Variants in NIPBL observed in about 807,000 individuals in gnomAD.
The protein encoded by NIPBL is nipped-B-like protein.
Under a neutral mutation model 321.8 loss-of-function variants are expected in NIPBL, and 19 were observed. The ratio of observed to expected loss-of-function variants is 0.06; its 90% CI spans 0.04 to 0.09. The LOEUF is 0.09. NIPBL is among the 10% of genes least tolerant of loss of function. The probability of loss-of-function intolerance (pLI) is 1.00; values close to 1 mark genes in which losing one functional copy is unlikely to be tolerated. For missense variants in NIPBL, 2,210 were observed against 3,327.0 expected (o/e 0.66, Z 8.26); for synonymous variants, 1,106 against 1,114.1 (o/e 0.99, Z 0.14).
intron 8 of NIPBL, among the ~76,000 whole-genome samples, chr5:36,973,835 C>T (rs79886330): frequency 1.0e-3 from 154 of 152,194 alleles, no homozygotes; most frequent in Middle Eastern, 3.4e-3. Flanking sequence ...CTTCTTGCCC[C>T]CTACCCTCCA....
rs753681684 is a variant in NIPBL, at chr5:37,064,862, G to C, written c.8385G>C (p.Leu2795=). 1 of 1,614,148 alleles carries C rather than the reference G, an allele frequency of 6.2e-7. No homozygotes were observed. The highest frequency in any genetic ancestry group is 8.5e-7 in the Non-Finnish European group (1 of 1,180,018). Residue 2795 remains leucine (L), a synonymous_variant, in exon 47 of 47, where the codon CTG becomes CTC. Transcript: ENST00000282516. The part of the protein sequence containing the change: ...TNKVVQTLRS[L]YAAKDGTSS ...AAGTTGTTCAGACTTTACGATCCCT[G>C]TATGCCGCCAAGGATGGGACTTCCA...
chr5:37,005,304 A>T (rs1289262522), intron 16 of NIPBL, among the ~76,000 whole-genome samples: 2 of 152,324 alleles, frequency 1.3e-5, no homozygotes, highest in East Asian at 1.9e-4. Context: ...AGGCTTAGAG[A>T]AACCTAAAGT....
chr5:36,985,175 G>GAGC lies in NIPBL; in HGVS notation c.1997_1999dup (p.Ser666dup), dbSNP rs1744611029. 1.2e-6 allele frequency: 2 copies of GAGC among 1,613,718 alleles called. No homozygotes were observed. The highest frequency in any genetic ancestry group is 1.7e-6 in the Non-Finnish European group (2 of 1,179,954). On this transcript the variant is annotated inframe_insertion, in exon 10 of 47. Transcript: ENST00000282516. ...GAACAACTGAATGCAAACAAAACGA[G>GAGC]AGCACCATAGTTGAGCCTAAACAAA...
intron 45 of NIPBL, among the ~76,000 whole-genome samples, chr5:37,061,889 T>C (rs982300741): frequency 2.0e-5 from 3 of 152,348 alleles, no homozygotes; most frequent in African/African-American, 2.4e-5. Flanking sequence ...TTGCCCAGGC[T>C]GGAGTGCAAT....
intron 42 of NIPBL, among the ~76,000 whole-genome samples, chr5:37,055,566 A>T (rs188252828): frequency 2.6e-5 from 4 of 152,214 alleles, no homozygotes; most frequent in African/African-American, 9.6e-5. Context: ...AGAGGTAGGA[A>T]GAGAAAACTT....
chr5:36,952,047 T>TGCGCGCGC, intron 1 of NIPBL, among the ~76,000 whole-genome samples: 1 of 115,984 alleles, frequency 8.6e-6, no homozygotes, highest in Admixed American at 1.0e-4. Context: ...TGTGTGTGTG[T>TGCGCGCGC]GTGTGTGCGC....
intron 44 of NIPBL, among the ~76,000 whole-genome samples, chr5:37,059,809 A>G (rs1341327071): frequency 6.6e-6 from 1 of 152,240 alleles, no homozygotes; most frequent in African/African-American, 2.4e-5. Context: ...CCAACTAAAC[A>G]GAGCTCCAGT....
chr5:37,055,486 A>T (rs1414819157), intron 42 of NIPBL, among the ~76,000 whole-genome samples: 1 of 152,094 alleles, frequency 6.6e-6, no homozygotes. Context: ...CTGAAACAAT[A>T]ATAGGATTGT....
intron 39 of NIPBL, 25 bp downstream of exon 39, chr5:37,048,700 T>A: frequency 1.3e-6 from 2 of 1,513,476 alleles, no homozygotes; most frequent in South Asian, 2.3e-5. Flanking sequence ...ATTTTTAAAT[T>A]TCATAGCTAC....
chr5:37,064,229 A>G lies in NIPBL; in HGVS notation c.8049+251A>G, dbSNP rs1226221504. The G allele has an allele frequency of 2.2e-6, 3 of 1,387,286 alleles. No homozygotes were observed. The African/African-American group carries it at 4.4e-5, about 20-fold the overall frequency. The allele number at this position is 1,387,286 out of a possible 1,614,324, so 85.9% of individuals were successfully genotyped here. Reference sequence around the variant, plus strand: ...GGTTAATTTTTCTTTGAATTGTATTAATGTGTGTTATTTTTATTGTTGCTA... The same window carrying G: ...GGTTAATTTTTCTTTGAATTGTATTGATGTGTGTTATTTTTATTGTTGCTA... On this transcript the variant is annotated intron_variant, in intron 46 of 46. Transcript: ENST00000282516.
intron 32 of NIPBL, among the ~76,000 whole-genome samples, chr5:37,030,040 G>C (rs1288197467): frequency 6.6e-6 from 1 of 152,124 alleles, no homozygotes; most frequent in Non-Finnish European, 1.5e-5. Flanking sequence ...AAATGATCAA[G>C]TAAGAATTCA....
intron 23 of NIPBL, among the ~76,000 whole-genome samples, chr5:37,016,798 T>G (rs1749050061): frequency 1.3e-5 from 2 of 152,142 alleles, no homozygotes; most frequent in Non-Finnish European, 1.5e-5. Flanking sequence ...ATGAGTTGTG[T>G]TGTTCTTAAG....
At chr5:36,993,705 C>G (rs1745807844) in intron 10 of NIPBL, among the ~76,000 whole-genome samples, 1 of 151,590 alleles carries the variant, frequency 6.6e-6, no homozygotes, top group African/African-American at 2.4e-5. Flanking sequence ...AGGCCAAATA[C>G]TTTGGGTTAT....
chr5:37,020,904 A>G, intron 27 of NIPBL, 27 bp downstream of exon 27: 2 of 1,452,398 alleles, frequency 1.4e-6, no homozygotes, highest in Admixed American at 1.7e-5. Flanking sequence ...TTCCTTATAC[A>G]GTGATATTGA....
intron 21 of NIPBL, 131 bp downstream of exon 21, chr5:37,010,356 C>T: frequency 1.4e-6 from 1 of 736,344 alleles, no homozygotes; most frequent in Non-Finnish European, 2.2e-6. Flanking sequence ...CGCTCTGTCA[C>T]CCAGGCTGGA....
intron 25 of NIPBL, among the ~76,000 whole-genome samples, chr5:37,019,874 TATAC>T (rs1161902140): frequency 6.6e-6 from 1 of 152,242 alleles, no homozygotes; most frequent in Non-Finnish European, 1.5e-5. Context: ...TTGAGAACAT[TATAC>T]ATAGAGATAT....
rs749085513 is a variant in NIPBL, at chr5:36,975,834, T to C, written c.927T>C (p.Asp309=). 35 of 1,613,178 alleles carry C rather than the reference T, an allele frequency of 2.2e-5. No individual in the cohort carries two copies. The highest frequency in any genetic ancestry group is 2.8e-5 in the Non-Finnish European group (33 of 1,179,752). The change falls in exon 9 of 47, where the codon GAT becomes GAC. Residue 309 remains aspartate (D), a synonymous_variant. Coordinates refer to ENST00000282516, the MANE Select transcript of NIPBL (RefSeq NM_133433.4). Reference sequence around the variant, plus strand: ...CTCTACCTTGTTCATCACCTCGAGATGTTCCACCAGATATCTTGCTAGATT... The same window carrying C: ...CTCTACCTTGTTCATCACCTCGAGACGTTCCACCAGATATCTTGCTAGATT... ...SQSLPCSSPR[D]VPPDILLDSP...
intron 1 of NIPBL, among the ~76,000 whole-genome samples, chr5:36,886,992 G>A (rs1442739207): frequency 6.6e-6 from 1 of 152,116 alleles, no homozygotes; most frequent in African/African-American, 2.4e-5. Context: ...TTACGAAAGA[G>A]TATTATCAAA....
intron 1 of NIPBL, among the ~76,000 whole-genome samples, chr5:36,892,573 T>G (rs544617819): frequency 1.3e-5 from 2 of 151,950 alleles, no homozygotes; most frequent in African/African-American, 2.4e-5. Context: ...ATTAAGAAAA[T>G]GTGGCACATA....
Sources: allele counts gnomAD v4.1 joint callset (sites outside exome capture counted in the v4.1 genomes callset), GRCh38; gene constraint gnomAD v4.1.1; transcripts MANE v1.5; gene names NCBI Gene and HGNC (gene_info 2026-07-23, HGNC 2026-07-21).